The following THSD4 variants were observed in gnomAD, a reference collection of about 807,000 sequenced individuals.
The protein encoded by THSD4 is thrombospondin type-1 domain-containing protein 4.
A neutral mutation model predicts 119.0 loss-of-function variants in THSD4; 69 were observed. The observed-to-expected ratio is 0.58, with a 90% CI of 0.48 to 0.71. The LOEUF is 0.71. THSD4 is among the 30% of genes least tolerant of loss of function. The pLI, the probability that THSD4 is intolerant of heterozygous loss-of-function variation, is 0.00. For synonymous variants in THSD4, 524 were observed against 540.4 expected (o/e 0.97, Z 0.42); for missense variants, 1,393 against 1,391.1 (o/e 1.00, Z -0.02).
At chr15:71,451,391 C>G (rs1194950046) in intron 7 of THSD4, among the ~76,000 whole-genome samples, 1 of 152,196 alleles carries the variant, frequency 6.6e-6, no homozygotes, top group Non-Finnish European at 1.5e-5. Context: ...AGTTAATCTT[C>G]CCATGTTGAG....
rs2047902397 is a variant in THSD4 at position 71,490,574 on chromosome 15, A to C, written c.1152+78751A>C. Among the ~76,000 whole-genome samples, 7 of 150,392 alleles carry C rather than the reference A, an allele frequency of 4.7e-5. No individual in the cohort carries two copies. In the South Asian group the frequency reaches 1.3e-3, roughly 27 times the overall value. ...GACTCCGTCTCAAAAAAAAAAAAAA[A>C]AAAAAACATTAGCCAGGCATGGTGG... On this transcript the variant is annotated intron_variant, in intron 7 of 17. Transcript: ENST00000261862.
rs113675198 is a variant in THSD4, at chr15:71,664,976, G to A, written c.1357+4242G>A. Among the ~76,000 whole-genome samples, 1,019 of 152,194 alleles carry A rather than the reference G, an allele frequency of 6.7e-3. 18 individuals are homozygous for A. Among genetic ancestry groups the A allele is most frequent in the African/African-American group, 0.023 (958 of 41,522 alleles). On this transcript the variant is annotated intron_variant, in intron 8 of 17. Coordinates refer to ENST00000261862, the MANE Select transcript of THSD4 (RefSeq NM_024817.3). The stretch of plus-strand genomic sequence containing the variant: ...ACATATGCATGCATGTGTCTTTATG[G>A]TAGGATGATTTACATTCCTTTGGGT...
At position 71,442,694 on chromosome 15, in the gene THSD4, A is replaced by G. The variant is rs1350356476; in HGVS notation, c.1152+30871A>G. Among the ~76,000 whole-genome samples, 151 of 118,352 alleles carry G rather than the reference A, an allele frequency of 1.3e-3. 15 individuals carry two copies. Among genetic ancestry groups the G allele is most frequent in the African/African-American group, 4.4e-3 (145 of 32,974 alleles). 77.6% of individuals were successfully genotyped at this position (118,352 alleles called of 152,430 possible). ...TATATATATATATATATATATATAT[A>G]TATATATATGAAGGGAGGAGATGAA... On this transcript the variant is annotated intron_variant, in intron 7 of 17. Transcript: ENST00000261862.
intron 10 of THSD4, among the ~76,000 whole-genome samples, chr15:71,736,407 G>C (rs1187906781): frequency 7.4e-6 from 1 of 135,728 alleles, no homozygotes; most frequent in African/African-American, 2.8e-5. Flanking sequence ...CTCGCTCTCT[G>C]ACTGTCTCGC....
rs189909844 is a variant in THSD4, at chr15:71,495,631, G to A, written c.1152+83808G>A. On this transcript the variant is annotated intron_variant, in intron 7 of 17. Coordinates refer to ENST00000261862, the MANE Select transcript of THSD4 (RefSeq NM_024817.3). ...TGCTGGGTCATGACAGCTGTAGACTGTAGACACTGTAAAGGATTAAAATGA... is the reference window on the plus strand; with the variant it reads ...TGCTGGGTCATGACAGCTGTAGACTATAGACACTGTAAAGGATTAAAATGA... Among the ~76,000 whole-genome samples the A allele has an allele frequency of 2.2e-4, 34 of 152,294 alleles. 1 individual carries two copies. Among genetic ancestry groups the A allele is most frequent in the Admixed American group, 1.8e-3 (28 of 15,296 alleles).
chr15:71,681,572 G>A (rs899284754), intron 8 of THSD4, among the ~76,000 whole-genome samples: 1 of 151,862 alleles, frequency 6.6e-6, no homozygotes, highest in South Asian at 2.1e-4. Flanking sequence ...CTACTCGGGA[G>A]GCTGGGGCGG....
intron 4 of THSD4, among the ~76,000 whole-genome samples, chr15:71,232,962 A>T (rs904392178): frequency 5.3e-5 from 8 of 152,146 alleles, no homozygotes; most frequent in African/African-American, 1.7e-4. Context: ...GGGAATGCGC[A>T]CTGGGGTGTT....
chr15:71,680,847 G>T (rs2051759586), intron 8 of THSD4, among the ~76,000 whole-genome samples: 1 of 151,982 alleles, frequency 6.6e-6, no homozygotes, highest in Admixed American at 6.5e-5. Context: ...AGGTAAAACA[G>T]GTAAAGCATC....
chr15:71,459,160 C>CTTTTTTTTTTTTT (rs372209662), intron 7 of THSD4, among the ~76,000 whole-genome samples: 39 of 128,860 alleles, frequency 3.0e-4, no homozygotes, highest in East Asian at 9.1e-4. Flanking sequence ...TTCTTTTTTT[C>CTTTTTTTTTTTTT]TTTTTTTTTT....
chr15:71,378,803 A>G (rs1330311385), intron 6 of THSD4, among the ~76,000 whole-genome samples: 1 of 152,048 alleles, frequency 6.6e-6, no homozygotes, highest in Non-Finnish European at 1.5e-5. Context: ...TATTTTTTTG[A>G]GGCAGGGTCT....
rs573460154 is a variant in THSD4 at position 71,569,907 on chromosome 15, T to A, written c.1153-90623T>A. Among the ~76,000 whole-genome samples the A allele has an allele frequency of 9.2e-5, 14 of 152,236 alleles. No individual in the cohort carries two copies. In the South Asian group the frequency reaches 2.7e-3, roughly 29 times the overall value. Reference sequence around the variant, plus strand: ...TACTCAGGAGGCTGAGGCAGGAGAATCACTTGAACCCAGGAGGCAGAGGTT... The same window carrying A: ...TACTCAGGAGGCTGAGGCAGGAGAAACACTTGAACCCAGGAGGCAGAGGTT... On this transcript the variant is annotated intron_variant, in intron 7 of 17. Transcript: ENST00000261862.
intron 6 of THSD4, among the ~76,000 whole-genome samples, chr15:71,318,018 C>A (rs943410937): frequency 2.0e-5 from 3 of 152,036 alleles, no homozygotes; most frequent in African/African-American, 7.2e-5. Flanking sequence ...AATTTATATG[C>A]CCAGGAGGAT....
Position 71,270,114 on chromosome 15 carries a change from T to A in THSD4, c.1015+13399T>A, listed in dbSNP as rs529262954. On this transcript the variant is annotated intron_variant, in intron 6 of 17. Coordinates refer to ENST00000261862, the MANE Select transcript of THSD4 (RefSeq NM_024817.3). ...GGAAAAAAACACTTTACATTTCATA[T>A]GGAACCCAAAAAGAGCCCATATAGC... is the stretch of plus-strand genomic sequence containing the variant. Among the ~76,000 whole-genome samples the A allele has an allele frequency of 4.6e-5, 7 of 152,332 alleles. No individual in the cohort carries two copies. In the South Asian group the frequency reaches 1.2e-3, roughly 27 times the overall value.
At chr15:71,668,301 A>T (rs1428199904) in intron 8 of THSD4, among the ~76,000 whole-genome samples, 2 of 152,180 alleles carry the variant, frequency 1.3e-5, no homozygotes, top group African/African-American at 4.8e-5. Context: ...CAGTGAGCAA[A>T]TATCTTAACA....
At chr15:71,641,806 C>A (rs1367093885) in intron 7 of THSD4, among the ~76,000 whole-genome samples, 1 of 151,442 alleles carries the variant, frequency 6.6e-6, no homozygotes, top group African/African-American at 2.4e-5. Flanking sequence ...AGAAAAGGTA[C>A]AATGCTAAAA....
At chr15:71,704,007 G>A (rs578066515) in intron 8 of THSD4, among the ~76,000 whole-genome samples, 7 of 152,054 alleles carry the variant, frequency 4.6e-5, no homozygotes, top group East Asian at 1.9e-4. Context: ...CCACCACCAC[G>A]CCCGGCTAAT....
In THSD4 at chr15:71,418,461, C is replaced by G. The variant is rs1280834384; in HGVS notation, c.1152+6638C>G. 1.8e-5 allele frequency among the ~76,000 whole-genome samples: 2 copies of G among 108,592 alleles called. 1 individual carries two copies. Among genetic ancestry groups the G allele is most frequent in the Non-Finnish European group, 4.1e-5 (2 of 49,190 alleles). The allele number at this position is 108,592 out of a possible 152,430, so 71.2% of individuals were successfully genotyped here. On this transcript the variant is annotated intron_variant, in intron 7 of 17. Transcript: ENST00000261862. Reference sequence around the variant, plus strand: ...TACCCAACTTTTTGAGGGTTTTTATCATGAAGGGATGTTGAATTTTATCAA... The same window carrying G: ...TACCCAACTTTTTGAGGGTTTTTATGATGAAGGGATGTTGAATTTTATCAA...
intron 8 of THSD4, among the ~76,000 whole-genome samples, chr15:71,717,565 AT>A (rs1419522011): frequency 4.7e-5 from 7 of 150,310 alleles, no homozygotes; most frequent in Admixed American, 2.7e-4. Context: ...TTAAAAAAAA[AT>A]CTTGAGAAAC....
intron 3 of THSD4, among the ~76,000 whole-genome samples, chr15:71,201,275 A>G (rs866425622): frequency 2.6e-5 from 4 of 152,190 alleles, no homozygotes; most frequent in African/African-American, 7.2e-5. Context: ...AACATGGTCT[A>G]TTTGGCCATC....
Sources: allele counts gnomAD v4.1 joint callset (sites outside exome capture counted in the v4.1 genomes callset), GRCh38; gene constraint gnomAD v4.1.1; transcripts MANE v1.5; gene names NCBI Gene and HGNC (gene_info 2026-07-23, HGNC 2026-07-21).